AGMO: variants seen among roughly 807,000 people sequenced by gnomAD.
AGMO encodes the protein alkylglycerol monooxygenase, also known as glyceryl-ether monooxygenase.
In AGMO, 75 loss-of-function variants were observed where a neutral mutation model predicts 60.2. The ratio of observed to expected loss-of-function variants is 1.25; its 90% CI spans 1.03 to 1.51. The LOEUF is 1.51. AGMO is among the 40% of genes most tolerant of loss of function. The probability of loss-of-function intolerance (pLI) is 0.00; values close to 1 mark genes in which losing one functional copy is unlikely to be tolerated. For synonymous variants in AGMO, 261 were observed against 177.1 expected (o/e 1.47, Z -3.76); for missense variants, 763 against 525.5 (o/e 1.45, Z -4.42).
chr7:15,261,501 T>C (rs962676992), intron 12 of AGMO, among the ~76,000 whole-genome samples: 8 of 151,854 alleles, frequency 5.3e-5, no homozygotes, highest in African/African-American at 1.7e-4. Context: ...GAGATGGAAA[T>C]GATAATAAAA....
the AGMO span, among the ~76,000 whole-genome samples, chr7:15,156,044 A>G: frequency 6.6e-6 from 1 of 152,086 alleles, no homozygotes; most frequent in African/African-American, 2.4e-5. Flanking sequence ...ATTGGCAACT[A>G]CGCTCTAATG....
In AGMO at chr7:15,248,478, C is replaced by A. The variant is rs991803033; in HGVS notation, c.1264-47119G>T. 2.0e-5 allele frequency among the ~76,000 whole-genome samples: 3 copies of A among 151,908 alleles called. No individual in the cohort carries two copies. In the East Asian group the frequency reaches 5.8e-4, roughly 30 times the overall value. On this transcript the variant is annotated intron_variant, in intron 12 of 12. Transcript: ENST00000342526. Reference sequence around the variant, plus strand: ...GCCAATTTCTATTCATTGGGAATATCTGAGTAAAGAAAAATTCCCATTCCC... The same window carrying A: ...GCCAATTTCTATTCATTGGGAATATATGAGTAAAGAAAAATTCCCATTCCC...
chr7:15,169,791 A>G, the AGMO span, among the ~76,000 whole-genome samples: 4 of 152,182 alleles, frequency 2.6e-5, no homozygotes, highest in Non-Finnish European at 5.9e-5. Context: ...TAATGTGATC[A>G]CCAAGTCCCA....
At chr7:15,291,455 A>G (rs12234378) in intron 12 of AGMO, among the ~76,000 whole-genome samples, 31,299 of 152,106 alleles carry the variant, frequency 0.21, 3,286 homozygotes, top group Middle Eastern at 0.26. Context: ...GTATGACTCA[A>G]TATTTGTAAT....
chr7:15,366,672 CAT>C (rs569674232), intron 10 of AGMO, among the ~76,000 whole-genome samples: 4 of 151,868 alleles, frequency 2.6e-5, no homozygotes, highest in East Asian at 1.9e-4. Context: ...TGAGTGAAAA[CAT>C]ATATATAAAG....
At chr7:15,356,694 C>A (rs970720983) in intron 12 of AGMO, among the ~76,000 whole-genome samples, 7 of 151,706 alleles carry the variant, frequency 4.6e-5, no homozygotes, top group Non-Finnish European at 8.8e-5. Context: ...TTTATTTTAT[C>A]TTTTATAAAA....
intron 3 of AGMO, among the ~76,000 whole-genome samples, chr7:15,510,812 C>T (rs920193695): frequency 4.7e-5 from 7 of 148,328 alleles, no homozygotes; most frequent in African/African-American, 1.5e-4. Context: ...CATAAGGAAA[C>T]ATTTTATTAC....
chr7:15,452,801 T>G (rs1177550132), intron 3 of AGMO, among the ~76,000 whole-genome samples: 1 of 152,164 alleles, frequency 6.6e-6, no homozygotes, highest in Non-Finnish European at 1.5e-5. Flanking sequence ...CAGCATTATT[T>G]AGAGTAGCCA....
At chr7:15,371,382 A>ACGGTAG (rs1721961538) in intron 10 of AGMO, among the ~76,000 whole-genome samples, 1 of 149,104 alleles carries the variant, frequency 6.7e-6, no homozygotes. Context: ...TACCGTGCGC[A>ACGGTAG]CAGCTAATTT....
chr7:15,366,206 G>GT lies in AGMO; in HGVS notation c.1090dup (p.Thr364AsnfsTer58). 1 of 1,606,436 alleles carries GT rather than the reference G, an allele frequency of 6.2e-7. No individual in the cohort carries two copies. Among genetic ancestry groups the GT allele is most frequent in the Non-Finnish European group, 8.5e-7 (1 of 1,175,842 alleles). ...AATGAAGCAAACCCTCAGAAGGAGA[G>GT]TAACTTGCGACAGTGCCTGTCAAAC... On this transcript the variant is annotated frameshift_variant, in exon 11 of 13. Coordinates refer to ENST00000342526, the MANE Select transcript of AGMO (RefSeq NM_001004320.2). LOFTEE classifies it high-confidence loss of function.
intron 10 of AGMO, among the ~76,000 whole-genome samples, chr7:15,374,369 G>C (rs1044293526): frequency 6.6e-6 from 1 of 152,036 alleles, no homozygotes; most frequent in East Asian, 1.9e-4. Context: ...AAATATATTG[G>C]CTAAAAAAGT....
chr7:15,251,378 T>C (rs2128506514), intron 12 of AGMO, among the ~76,000 whole-genome samples: 1 of 152,254 alleles, frequency 6.6e-6, no homozygotes, highest in Middle Eastern at 3.4e-3. Context: ...GATAACTTAA[T>C]GCAGAACATT....
At chr7:15,473,383 C>T (rs79671649) in intron 3 of AGMO, among the ~76,000 whole-genome samples, 1 of 152,104 alleles carries the variant, frequency 6.6e-6, no homozygotes, top group South Asian at 2.1e-4. Context: ...AGGGACTCCT[C>T]CTTAACTCAT....
chr7:15,477,455 C>T (rs113360188), intron 3 of AGMO, among the ~76,000 whole-genome samples: 24 of 152,130 alleles, frequency 1.6e-4, no homozygotes, highest in African/African-American at 5.1e-4. Flanking sequence ...AGCATATAAT[C>T]GATGTGAATG....
intron 3 of AGMO, among the ~76,000 whole-genome samples, chr7:15,512,732 A>C (rs1000697637): frequency 6.6e-6 from 1 of 152,118 alleles, no homozygotes; most frequent in East Asian, 1.9e-4. Flanking sequence ...ATTTCAATGT[A>C]TTTTTATTTC....
chr7:15,456,190 T>C (rs1421381605), intron 3 of AGMO, among the ~76,000 whole-genome samples: 1 of 152,138 alleles, frequency 6.6e-6, no homozygotes. Flanking sequence ...ATTTAATTTC[T>C]CAAACTTCAC....
chr7:15,321,170 T>C (rs1426335124), intron 12 of AGMO, among the ~76,000 whole-genome samples: 2 of 152,164 alleles, frequency 1.3e-5, no homozygotes, highest in South Asian at 2.1e-4. Context: ...CTGGAATTAA[T>C]AGAATGCTAT....
intron 3 of AGMO, among the ~76,000 whole-genome samples, chr7:15,466,879 T>C (rs1316203755): frequency 1.3e-5 from 2 of 152,138 alleles, no homozygotes; most frequent in East Asian, 3.9e-4. Context: ...GTCTGTCTTC[T>C]ACTATGTAAA....
intron 9 of AGMO, among the ~76,000 whole-genome samples, chr7:15,385,978 C>T (rs1351422859): frequency 6.6e-6 from 1 of 151,882 alleles, no homozygotes; most frequent in South Asian, 2.1e-4. Flanking sequence ...GTCAAGAGTT[C>T]GTGACCAGCC....
Sources: gnomAD v4.1 joint callset for allele counts (sites outside exome capture counted in the v4.1 genomes callset) on GRCh38, gnomAD v4.1.1 for gene constraint, MANE v1.5 for transcripts, NCBI Gene and HGNC (gene_info 2026-07-23, HGNC 2026-07-21) for gene names.